The following AMMECR1 variants were observed in gnomAD, a reference collection of about 807,000 sequenced individuals.
AMMECR1 encodes the protein AMMECR nuclear protein 1.
AMMECR1 carries 3 observed loss-of-function variants against 22.5 expected under a neutral mutation model. The ratio of observed to expected loss-of-function variants is 0.13; its 90% CI spans 0.06 to 0.35. The LOEUF (loss-of-function observed/expected upper bound fraction) is 0.35. Ranked by LOEUF, AMMECR1 falls within the 10% of genes least tolerant of loss-of-function variation. The probability of loss-of-function intolerance (pLI) is 1.00; values close to 1 mark genes in which losing one functional copy is unlikely to be tolerated. For synonymous variants in AMMECR1, 130 were observed against 116.7 expected (o/e 1.11, Z -0.74); for missense variants, 235 against 278.7 (o/e 0.84, Z 1.12).
At chrX:110,239,688 A>C (rs770159667) in intron 2 of AMMECR1, among the ~76,000 whole-genome samples, 1 of 111,773 alleles carries the variant, frequency 8.9e-6, no homozygotes, top group East Asian at 2.8e-4. Context: ...ATTCAAATTC[A>C]GGAAATACAG....
At chrX:110,338,507 T>C (rs1375379631) in intron 2 of AMMECR1, among the ~76,000 whole-genome samples, 1 of 112,262 alleles carries the variant, frequency 8.9e-6, no homozygotes, top group Non-Finnish European at 1.9e-5. Context: ...GGCCTGACAT[T>C]GCTTATGATC....
intron 2 of AMMECR1, among the ~76,000 whole-genome samples, chrX:110,264,161 A>T (rs983223491): frequency 3.6e-5 from 4 of 111,364 alleles, no homozygotes. Flanking sequence ...AATGACTGTT[A>T]CTATAGAAAT....
At chrX:110,279,366 A>G (rs944336028) in intron 1 of AMMECR1, among the ~76,000 whole-genome samples, 4 of 112,669 alleles carry the variant, frequency 3.6e-5, no homozygotes, top group African/African-American at 1.3e-4. Context: ...ATTGTTTTCT[A>G]TAGGAACACA....
chrX:110,199,641 T>G (rs184003758), intron 5 of AMMECR1, among the ~76,000 whole-genome samples: 1 of 111,410 alleles, frequency 9.0e-6, no homozygotes, highest in East Asian at 2.8e-4. Context: ...CTTTCTTCTT[T>G]ATTTCTAAAT....
At chrX:110,250,018 AGTTCTAAGG>A (rs2148191136) in intron 2 of AMMECR1, among the ~76,000 whole-genome samples, 1 of 112,224 alleles carries the variant, frequency 8.9e-6, no homozygotes, top group Non-Finnish European at 1.9e-5. Flanking sequence ...GCAGTTGAAT[AGTTCTAAGG>A]GTATTGTTCA....
chrX:110,382,148 C>A, intron 2 of AMMECR1, among the ~76,000 whole-genome samples: 1 of 112,054 alleles, frequency 8.9e-6, no homozygotes. Flanking sequence ...GGTCAGAATT[C>A]TCTCTTTGTT....
At chrX:110,336,554 A>C (rs900232094) in intron 2 of AMMECR1, among the ~76,000 whole-genome samples, 77 of 110,080 alleles carry the variant, frequency 7.0e-4, no homozygotes, top group African/African-American at 2.5e-3. Context: ...CAAAACAAAA[A>C]AACAAAAAAA....
At chrX:110,278,522 C>T (rs2067837272) in intron 1 of AMMECR1, among the ~76,000 whole-genome samples, 1 of 111,859 alleles carries the variant, frequency 8.9e-6, no homozygotes, top group Non-Finnish European at 1.9e-5. Flanking sequence ...AGACTTCTCA[C>T]TTTCCACGTC....
At chrX:110,426,640 A>G (rs1357669628) in intron 2 of AMMECR1, 4 of 112,379 alleles carry the variant, frequency 3.6e-5, no homozygotes, top group Admixed American at 2.8e-4. Context: ...AAATGATGAA[A>G]GAATAAAGTA....
At chrX:110,332,641 C>G (rs1375744314) in intron 2 of AMMECR1, among the ~76,000 whole-genome samples, 1 of 111,766 alleles carries the variant, frequency 8.9e-6, no homozygotes, top group Middle Eastern at 4.2e-3. Flanking sequence ...TTCTGTTCCC[C>G]TTTCTTAGGT....
At chrX:110,305,655 T>C (rs1303159901) in intron 1 of AMMECR1, 1 of 111,739 alleles carries the variant, frequency 8.9e-6, no homozygotes, top group African/African-American at 3.3e-5. Context: ...GTGTATACTG[T>C]AAGAAGCAAT....
At chrX:110,316,558 T>C (rs1354952731) in intron 1 of AMMECR1, among the ~76,000 whole-genome samples, 5 of 109,670 alleles carry the variant, frequency 4.6e-5, no homozygotes, top group South Asian at 3.9e-4. Context: ...AAAAAGTCAG[T>C]TTACATTCAG....
chrX:110,279,819 C>A (rs1023927680), intron 1 of AMMECR1, among the ~76,000 whole-genome samples: 3 of 111,563 alleles, frequency 2.7e-5, no homozygotes, highest in Non-Finnish European at 5.7e-5. Context: ...TGATTGAAAG[C>A]AAACCAGGTT....
At chrX:110,348,178 G>A (rs1009198921) in intron 2 of AMMECR1, among the ~76,000 whole-genome samples, 4 of 111,735 alleles carry the variant, frequency 3.6e-5, no homozygotes, top group African/African-American at 1.3e-4. Flanking sequence ...TAACTTCAGT[G>A]CTCTTTTTCC....
intron 2 of AMMECR1, among the ~76,000 whole-genome samples, chrX:110,402,615 G>A (rs1414969161): frequency 8.9e-6 from 1 of 112,761 alleles, no homozygotes; most frequent in Non-Finnish European, 1.9e-5. Flanking sequence ...GAATCACCAA[G>A]GTTGGGAAGC....
intron 2 of AMMECR1, among the ~76,000 whole-genome samples, chrX:110,409,895 C>G (rs2068629857): frequency 9.0e-6 from 1 of 111,418 alleles, no homozygotes. Context: ...ACCCTGAGGT[C>G]ATCTGGTTCA....
intron 1 of AMMECR1, among the ~76,000 whole-genome samples, chrX:110,286,557 A>G (rs1253223558): frequency 9.3e-6 from 1 of 107,038 alleles, no homozygotes; most frequent in African/African-American, 3.4e-5. Flanking sequence ...CTGTAGTCCT[A>G]GGTACTTGGG....
chrX:110,226,397 A>G (rs1418481815), intron 2 of AMMECR1, among the ~76,000 whole-genome samples: 1 of 111,721 alleles, frequency 9.0e-6, no homozygotes, highest in East Asian at 2.8e-4. Context: ...CGAGGTCAGG[A>G]GTTCAAGACC....
rs2067369956 is a variant in AMMECR1 at position 110,196,289 on chromosome X, C to T, written c.*2231G>A. ...CACCCAGGACGAGGAGCCTGTTGAA[C>T]CGATGAGATGATGGATAAGATGGAT... is the stretch of plus-strand genomic sequence containing the variant. On this transcript the variant is annotated 3_prime_UTR_variant, in exon 6 of 6. Coordinates refer to ENST00000262844, the MANE Select transcript of AMMECR1 (RefSeq NM_015365.3). 9.0e-6 allele frequency: 1 copy of T among 111,498 alleles called. No individual in the cohort carries two copies. The highest frequency in any genetic ancestry group is 1.9e-5 in the Non-Finnish European group (1 of 53,034). The allele number at this position is 111,498 out of a possible 1,213,427, so 9.2% of individuals were successfully genotyped here. A position where few individuals can be genotyped will look rare whatever the true frequency, so the allele number is the denominator to read the frequency against.
Sources: gnomAD v4.1 joint callset for allele counts (sites outside exome capture counted in the v4.1 genomes callset) on GRCh38, gnomAD v4.1.1 for gene constraint, MANE v1.5 for transcripts, NCBI Gene and HGNC (gene_info 2026-07-23, HGNC 2026-07-21) for gene names.